TMBIM6: variants seen among roughly 807,000 people sequenced by gnomAD.
TMBIM6 encodes the protein bax inhibitor 1.
TMBIM6 carries 13 observed loss-of-function variants against 31.4 expected under a neutral mutation model. The ratio of observed to expected loss-of-function variants is 0.41; its 90% confidence interval spans 0.27 to 0.66. The LOEUF is 0.66. TMBIM6 is among the 30% of genes least tolerant of loss of function. The pLI is 0.28. For synonymous variants in TMBIM6, 85 were observed against 101.7 expected (o/e 0.84, Z 0.99); for missense variants, 275 against 289.5 (o/e 0.95, Z 0.36).
rs142268181 is a variant in TMBIM6, at chr12:49,742,370, T to A, written c.-31+759T>A. On this transcript the variant is annotated intron_variant, in intron 1 of 9. Coordinates refer to ENST00000267115, the MANE Select transcript of TMBIM6 (RefSeq NM_003217.3). Reference sequence around the variant, plus strand: ...AGGGCGTCGTTGGGCAGTTTTTATCTTGGGCCTACTTGCTGGACCTGTGGT... The same window carrying A: ...AGGGCGTCGTTGGGCAGTTTTTATCATGGGCCTACTTGCTGGACCTGTGGT... 2,984 of 1,464,542 alleles carry A rather than the reference T, an allele frequency of 2.0e-3. 26 individuals are homozygous for A. The highest frequency in any genetic ancestry group is 0.012 in the South Asian group (892 of 71,386). 90.7% of individuals were successfully genotyped at this position (1,464,542 alleles called of 1,614,324 possible). A position where few individuals can be genotyped will look rare whatever the true frequency, so the allele number is the denominator to read the frequency against.
rs188209222 is a variant in TMBIM6, at chr12:49,763,529, G to T, written c.*633G>T. ...GTGTTCCCTTTCCCACCCCTTGCCT[G>T]ACCCTCAGGGAGTCAGCCTGCTTCC... On this transcript the variant is annotated 3_prime_UTR_variant, in exon 10 of 10. Transcript: ENST00000267115. 6.6e-6 allele frequency: 1 copy of T among 152,364 alleles called. No homozygotes were observed. The highest frequency in any genetic ancestry group is 1.5e-5 in the Non-Finnish European group (1 of 68,074). 9.4% of individuals were successfully genotyped at this position (152,364 alleles called of 1,614,324 possible).
intron 1 of TMBIM6, chr12:49,742,236 C>A: frequency 2.5e-6 from 4 of 1,612,516 alleles, no homozygotes; most frequent in Non-Finnish European, 2.5e-6. Context: ...CCTTCCAGGC[C>A]CACGGGGCGG....
intron 1 of TMBIM6, among the ~76,000 whole-genome samples, chr12:49,747,630 G>A (rs1945419933): frequency 6.6e-6 from 1 of 152,002 alleles, no homozygotes; most frequent in South Asian, 2.1e-4. Context: ...TTGTTTTTTG[G>A]AAGTGAACAT....
intron 8 of TMBIM6, among the ~76,000 whole-genome samples, chr12:49,760,039 G>A (rs993968880): frequency 3.3e-5 from 5 of 150,290 alleles, no homozygotes; most frequent in Non-Finnish European, 5.9e-5. Context: ...GTGAACCGGG[G>A]AGGCGGAGCT....
intron 8 of TMBIM6, among the ~76,000 whole-genome samples, chr12:49,760,281 C>T (rs990938564): frequency 3.3e-5 from 5 of 152,066 alleles, no homozygotes; most frequent in African/African-American, 7.2e-5. Context: ...GACAGGGTCT[C>T]GCTCTGTTGC....
In TMBIM6 at chr12:49,751,311, A is replaced by G. The variant is rs1413733363; in HGVS notation, c.-30-1153A>G. 4.6e-5 allele frequency among the ~76,000 whole-genome samples: 7 copies of G among 152,306 alleles called. No homozygotes were observed. In the East Asian group the frequency reaches 1.2e-3, roughly 25 times the overall value. Reference sequence around the variant, plus strand: ...CCTGATTTTGATCATTGCTTTCAGGATATACACACTGAAGTGTTTAGGAGC... The same window carrying G: ...CCTGATTTTGATCATTGCTTTCAGGGTATACACACTGAAGTGTTTAGGAGC... On this transcript the variant is annotated intron_variant, in intron 1 of 9. Transcript: ENST00000267115.
chr12:49,741,775 A>AG (rs926936008), intron 1 of TMBIM6, 164 bp downstream of exon 1: 1 of 246,694 alleles, frequency 4.1e-6, no homozygotes, highest in African/African-American at 2.4e-5. Context: ...CAGGGTGTGG[A>AG]GGGAAGCTAG....
chr12:49,753,220 C>A, intron 3 of TMBIM6, 139 bp downstream of exon 3: 2 of 635,148 alleles, frequency 3.1e-6, no homozygotes, highest in Non-Finnish European at 5.3e-6. Context: ...GACATTAAAT[C>A]AGGACATGTA....
chr12:49,744,393 ACT>A (rs1429511243), intron 1 of TMBIM6: 1 of 151,916 alleles, frequency 6.6e-6, no homozygotes, highest in African/African-American at 2.4e-5. Context: ...GTCTTCTACC[ACT>A]CTGTTTTGTT....
At chr12:49,756,724 G>A (rs1565922066) in intron 4 of TMBIM6, among the ~76,000 whole-genome samples, 1 of 142,838 alleles carries the variant, frequency 7.0e-6, no homozygotes, top group South Asian at 2.3e-4. Context: ...CACACCCAGC[G>A]CTTTTTTTTG....
Position 49,762,996 on chromosome 12 carries a change from C to A in TMBIM6, c.*100C>A. ...TGGTGTGTTCTGTGATAATGAAAAG[C>A]ATCAGAAAAGCTTTTGTACTTTGTG... On this transcript the variant is annotated 3_prime_UTR_variant, in exon 10 of 10. Transcript: ENST00000267115. 2 of 1,316,468 alleles carry A rather than the reference C, an allele frequency of 1.5e-6. No homozygotes were observed. The highest frequency in any genetic ancestry group is 2.1e-6 in the Non-Finnish European group (2 of 948,842). 81.5% of individuals were successfully genotyped at this position (1,316,468 alleles called of 1,614,324 possible).
At chr12:49,751,758 A>ATTTTTT (rs58141027) in intron 1 of TMBIM6, among the ~76,000 whole-genome samples, 35 of 108,492 alleles carry the variant, frequency 3.2e-4, no homozygotes, top group African/African-American at 6.2e-4. Flanking sequence ...TAGTGAGATA[A>ATTTTTT]TTTTTTTTTT....
chr12:49,756,839 C>T (rs577192327), intron 4 of TMBIM6, among the ~76,000 whole-genome samples: 1 of 152,066 alleles, frequency 6.6e-6, no homozygotes, highest in African/African-American at 2.4e-5. Context: ...CAGGTTCAAG[C>T]GATTCTCCTG....
rs1945724303 is a variant in TMBIM6 at position 49,761,776 on chromosome 12, A to G, written c.687A>G (p.Glu229=). The change falls in exon 9 of 10, where the codon GAA becomes GAG. Residue 229 remains glutamate, a synonymous_variant. Transcript: ENST00000267115. Reference sequence around the variant, plus strand: ...TCATGATGATCCTGGCCATGAATGAAAAGGTTAGTTAGCCTACAACCCAAA... The same window carrying G: ...TCATGATGATCCTGGCCATGAATGAGAAGGTTAGTTAGCCTACAACCCAAA... ...RKLMMILAMN[E]KDKKKEKK is the part of the protein sequence containing the mutation. 1.2e-6 allele frequency: 2 copies of G among 1,614,076 alleles called. No homozygotes were observed. The highest frequency in any genetic ancestry group is 1.7e-6 in the Non-Finnish European group (2 of 1,180,000).
intron 3 of TMBIM6, among the ~76,000 whole-genome samples, 189 bp from the exon 4 acceptor site, chr12:49,755,446 C>G (rs1294075657): frequency 6.6e-6 from 1 of 152,188 alleles, no homozygotes; most frequent in Non-Finnish European, 1.5e-5. Flanking sequence ...GGTCCTAACT[C>G]TGTGCTTCAA....
At chr12:49,757,665 A>C (rs1945630953) in intron 4 of TMBIM6, among the ~76,000 whole-genome samples, 1 of 152,234 alleles carries the variant, frequency 6.6e-6, no homozygotes, top group South Asian at 2.1e-4. Flanking sequence ...CATCAGGGCA[A>C]GCTAGTTTTT....
chr12:49,742,119 G>T, intron 1 of TMBIM6: 1 of 1,607,396 alleles, frequency 6.2e-7, no homozygotes, highest in Non-Finnish European at 8.5e-7. Flanking sequence ...ACTCGAGGTA[G>T]GGCCTGGCGG....
chr12:49,757,811 A>G (rs113807287), intron 4 of TMBIM6, among the ~76,000 whole-genome samples: 2,292 of 152,300 alleles, frequency 0.015, 20 homozygotes, highest in Middle Eastern at 0.034. Flanking sequence ...TCTTTGCTAC[A>G]AAGGGGAGTC....
chr12:49,749,896 T>TTC (rs1322601000), intron 1 of TMBIM6: 1 of 152,252 alleles, frequency 6.6e-6, no homozygotes, highest in Non-Finnish European at 1.5e-5. Flanking sequence ...TTTCTTTTTT[T>TTC]TCTCCATAAA....
Sources: allele counts gnomAD v4.1 joint callset (sites outside exome capture counted in the v4.1 genomes callset), GRCh38; gene constraint gnomAD v4.1.1; transcripts MANE v1.5; gene names NCBI Gene and HGNC (gene_info 2026-07-23, HGNC 2026-07-21).